Variants in HHIPL1 observed in about 807,000 individuals in gnomAD.
HHIPL1 encodes the protein HHIP like 1, also known as HHIP-like protein 1.
HHIPL1 carries 43 observed loss-of-function variants against 61.8 expected under a neutral mutation model. That is an observed-to-expected ratio of 0.70 (90% CI 0.55 to 0.90). The LOEUF (loss-of-function observed/expected upper bound fraction) is 0.90. Among genes scored for constraint, HHIPL1 ranks in the 40% least tolerant of loss-of-function variants. HHIPL1 has a pLI of 0.00. For missense variants in HHIPL1, 1,056 were observed against 1,157.7 expected, an observed-to-expected ratio of 0.91 and a Z score of 1.28; for synonymous variants, 482 against 515.8, an observed-to-expected ratio of 0.93 and a Z score of 0.89.
the HHIPL1 span, among the ~76,000 whole-genome samples, chr14:99,626,327 G>A: frequency 2.6e-5 from 4 of 151,930 alleles, no homozygotes; most frequent in Admixed American, 6.6e-5. Flanking sequence ...GAGACTGCAG[G>A]GAGCCTGCAA....
chr14:99,628,123 C>A, the HHIPL1 span, among the ~76,000 whole-genome samples: 9 of 152,284 alleles, frequency 5.9e-5, no homozygotes, highest in East Asian at 1.2e-3. Context: ...AGAGGTGAGA[C>A]CTGCCAAGGT....
chr14:99,661,361 C>T (rs2056147812), intron 5 of HHIPL1, among the ~76,000 whole-genome samples: 1 of 146,774 alleles, frequency 6.8e-6, no homozygotes, highest in African/African-American at 2.5e-5. Context: ...ACATAAATAT[C>T]ACTTAGAATC....
chr14:99,641,198 T>G (rs756167430), upstream of HHIPL1, among the ~76,000 whole-genome samples: 1 of 152,098 alleles, frequency 6.6e-6, no homozygotes. Context: ...GAAGAACTTC[T>G]TTTAATGCTT....
chr14:99,622,053 A>G, the HHIPL1 span, among the ~76,000 whole-genome samples: 1 of 151,708 alleles, frequency 6.6e-6, no homozygotes, highest in African/African-American at 2.4e-5. Flanking sequence ...GAGGCGGGGG[A>G]AAAAGGACCT....
the HHIPL1 span, among the ~76,000 whole-genome samples, chr14:99,634,214 A>C: frequency 6.6e-6 from 1 of 152,056 alleles, no homozygotes; most frequent in Non-Finnish European, 1.5e-5. Flanking sequence ...GTGTCTGTGC[A>C]AGTGTGTGCA....
At chr14:99,619,152 C>T in the HHIPL1 span, among the ~76,000 whole-genome samples, 1 of 152,046 alleles carries the variant, frequency 6.6e-6, no homozygotes, top group Non-Finnish European at 1.5e-5. Flanking sequence ...ACAGATGCCG[C>T]AACTAAGACT....
intron 3 of HHIPL1, among the ~76,000 whole-genome samples, chr14:99,657,814 CATGCACACACACATTCACAT>C (rs962727057): frequency 2.0e-5 from 3 of 151,938 alleles, no homozygotes; most frequent in Admixed American, 6.6e-5. Context: ...CATACATATG[CATGCACACACACATTCACAT>C]ATGCACATAC....
At chr14:99,637,052 AAGGAAG>A in the HHIPL1 span, among the ~76,000 whole-genome samples, 6 of 99,944 alleles carry the variant, frequency 6.0e-5, no homozygotes, top group African/African-American at 1.3e-4. Context: ...AGAAAGAAGG[AAGGAAG>A]GAAAAAAGAA....
Position 99,661,956 on chromosome 14 carries a change from G to A in HHIPL1, c.1503-920G>A, listed in dbSNP as rs575320931. On this transcript the variant is annotated intron_variant, in intron 5 of 8. Transcript: ENST00000330710. ...GAAGTTGGATTCCTCTCCCAGATCC[G>A]CCCCTTCCCCGGGGACCCAGCTTTC... 2.0e-5 allele frequency among the ~76,000 whole-genome samples: 3 copies of A among 152,214 alleles called. No homozygotes were observed. The East Asian group carries it at 5.8e-4, about 29-fold the overall frequency.
Position 99,661,810 on chromosome 14 carries a change from G to A in HHIPL1, c.1503-1066G>A, listed in dbSNP as rs923306301. ...CATGCAACCTCCTCTGGCAGCAGCC[G>A]AATAGGGTTCCTAAGGAGAGGGAAT... On this transcript the variant is annotated intron_variant, in intron 5 of 8. Transcript: ENST00000330710. Among the ~76,000 whole-genome samples, 4 of 152,132 alleles carry A rather than the reference G, an allele frequency of 2.6e-5. No homozygotes were observed. In the South Asian group the frequency reaches 6.2e-4, roughly 24 times the overall value.
rs1376391821 is a variant in HHIPL1, at chr14:99,660,997, G to A, written c.1502+591G>A. Among the ~76,000 whole-genome samples the A allele has an allele frequency of 2.0e-5, 3 of 152,168 alleles. No individual in the cohort carries two copies. Among genetic ancestry groups the A allele is most frequent in the African/African-American group, 7.2e-5 (3 of 41,442 alleles). ...TGCTGCCCTGCCCCCGTGCTCTAGG[G>A]CAGCAGTACCACCCACTGAGACCCT... On this transcript the variant is annotated intron_variant, in intron 5 of 8. Transcript: ENST00000330710. This position sits in a 1 kb window ranked among gnomAD's most constrained non-coding sequence, Gnocchi z 4.9.
At position 99,662,903 on chromosome 14, in the gene HHIPL1, A is replaced by G; in HGVS notation, c.1530A>G (p.Pro510=). ...GTCTGATGTCCCTCCAAGAGAACCC[A>G]GGGACAGGCCAGTGGCAGTACAGTG... ...SGRLMSLQEN[P]GTGQWQYSEI... The change falls in exon 6 of 9, where the codon CCA becomes CCG. Residue 510 remains proline, a synonymous_variant. Coordinates refer to ENST00000330710, the MANE Select transcript of HHIPL1 (RefSeq NM_001127258.3). 1 of 1,611,394 alleles carries G rather than the reference A, an allele frequency of 6.2e-7. No individual in the cohort carries two copies. Among genetic ancestry groups the G allele is most frequent in the Non-Finnish European group, 8.5e-7 (1 of 1,179,030 alleles).
In HHIPL1 at chr14:99,675,546, C is replaced by A; in HGVS notation, c.2269C>A (p.His757Asn). 6.5e-7 allele frequency: 1 copy of A among 1,540,164 alleles called. No individual in the cohort carries two copies. The highest frequency in any genetic ancestry group is 2.0e-5 in the Admixed American group (1 of 50,960). The change falls in exon 9 of 9, where the codon CAC becomes AAC. Residue 757 changes from histidine to asparagine, a missense_variant. Physicochemically the swap from His to Asn is moderately conservative, Grantham distance 68. Transcript: ENST00000330710. This position sits in a 1 kb window ranked among gnomAD's most constrained non-coding sequence, Gnocchi z 5.4. ...GWERNLLECQ[H>N]NGVGTHNCEH... ...GGAGCGGAACCTGCTGGAGTGCCAG[C>A]ACAACGGCGTGGGCACCCACAACTG... is the stretch of plus-strand genomic sequence containing the variant.
the HHIPL1 span, among the ~76,000 whole-genome samples, chr14:99,624,185 C>T: frequency 3.3e-5 from 5 of 152,146 alleles, no homozygotes; most frequent in African/African-American, 4.8e-5. Context: ...ACCCTCGCTT[C>T]GGCCACAGCA....
the HHIPL1 span, among the ~76,000 whole-genome samples, chr14:99,608,760 C>A: frequency 6.6e-6 from 1 of 152,242 alleles, no homozygotes; most frequent in Non-Finnish European, 1.5e-5. Context: ...GATTGTCTCA[C>A]TGACTCCTCA....
chr14:99,619,417 G>T, the HHIPL1 span, among the ~76,000 whole-genome samples: 17 of 149,874 alleles, frequency 1.1e-4, no homozygotes, highest in East Asian at 3.3e-3. Context: ...GGCCGAGATC[G>T]CACTGTTGCA....
Position 99,676,251 on chromosome 14 carries a change from C to G in HHIPL1, c.*625C>G, listed in dbSNP as rs977783675. The G allele has an allele frequency of 6.5e-6, 1 of 152,844 alleles. No homozygotes were observed. Among genetic ancestry groups the G allele is most frequent in the East Asian group, 1.9e-4 (1 of 5,206 alleles). The allele number at this position is 152,844 out of a possible 1,614,324, so 9.5% of individuals were successfully genotyped here. A position where few individuals can be genotyped will look rare whatever the true frequency, so the allele number is the denominator to read the frequency against. ...GGGGCCCCACTGGAGGGGCAGGCTG[C>G]GTGGAGGAGCCAGCACCTGCTCAGG... On this transcript the variant is annotated 3_prime_UTR_variant, in exon 9 of 9. Coordinates refer to ENST00000330710, the MANE Select transcript of HHIPL1 (RefSeq NM_001127258.3).
At chr14:99,631,052 CTTTCTTTCTTTCTTTCT>C in the HHIPL1 span, among the ~76,000 whole-genome samples, 106 of 63,772 alleles carry the variant, frequency 1.7e-3, no homozygotes, top group East Asian at 5.8e-3. Context: ...GCTCCATTTT[CTTTCTTTCTTTCTTTCT>C]TTCTTTCTTT....
chr14:99,672,253 GA>G, intron 7 of HHIPL1, 63 bp from the exon 8 acceptor site: 2 of 1,364,080 alleles, frequency 1.5e-6, no homozygotes, highest in Non-Finnish European at 2.0e-6. Context: ...TCACTGTAGA[GA>G]AAAGGCACCC....
Sources: gnomAD v4.1 joint callset for allele counts (sites outside exome capture counted in the v4.1 genomes callset) on GRCh38, gnomAD v4.1.1 for gene constraint, Gnocchi (gnomAD v3.1) non-coding constraint, MANE v1.5 for transcripts, NCBI Gene and HGNC (gene_info 2026-07-23, HGNC 2026-07-21) for gene names.